CPA4: variants seen among roughly 807,000 people sequenced by gnomAD.
CPA4 encodes carboxypeptidase A3.
In CPA4, 49 loss-of-function variants were observed where a neutral mutation model predicts 54.7. That is an observed-to-expected ratio of 0.90 (90% CI 0.71 to 1.14). The LOEUF (loss-of-function observed/expected upper bound fraction) is 1.14, where lower values mean the gene tolerates loss of function less well. Among genes scored for constraint, CPA4 ranks in the 50% most tolerant of loss-of-function variants. The pLI, the probability that CPA4 is intolerant of heterozygous loss-of-function variation, is 0.00. For missense variants in CPA4, 487 were observed against 525.1 expected (o/e 0.93, Z 0.71); for synonymous variants, 215 against 206.8 (o/e 1.04, Z -0.34).
intron 6 of CPA4, 66 bp downstream of exon 6, chr7:130,305,986 GGCT>G: frequency 7.3e-7 from 1 of 1,363,296 alleles, no homozygotes; most frequent in Non-Finnish European, 1.0e-6. Flanking sequence ...CATGCCATGT[GGCT>G]GGGCCTGGGG....
chr7:130,320,382 T>C (rs556424679), intron 10 of CPA4, among the ~76,000 whole-genome samples: 55 of 152,338 alleles, frequency 3.6e-4, no homozygotes, highest in African/African-American at 1.3e-3. Context: ...TTCCTGAATC[T>C]CAAATGTGTT....
chr7:130,320,967 G>A (rs952889891), intron 10 of CPA4, among the ~76,000 whole-genome samples: 2 of 152,192 alleles, frequency 1.3e-5, no homozygotes, highest in Admixed American at 6.5e-5. Context: ...GGGAGGCTGA[G>A]GTGGGATGAT....
At position 130,322,464 on chromosome 7, in the gene CPA4, G is replaced by A. The variant is rs1794124965; in HGVS notation, c.1079-25G>A. 5 of 1,600,334 alleles carry A rather than the reference G, an allele frequency of 3.1e-6. No individual in the cohort carries two copies. The East Asian group carries it at 1.1e-4, about 36-fold the overall frequency. On this transcript the variant is annotated intron_variant, in intron 10 of 10. Transcript: ENST00000222482. ...AACCCAGGAGGGAACTGGGCTTCAA[G>A]AGTGTTTTGTCCTCCGACTTACAGA...
At chr7:130,321,873 G>A (rs576783128) in intron 10 of CPA4, among the ~76,000 whole-genome samples, 1 of 152,262 alleles carries the variant, frequency 6.6e-6, no homozygotes, top group South Asian at 2.1e-4. Flanking sequence ...ATGAGATTTG[G>A]GTGGGGACAC....
chr7:130,304,504 C>G lies in CPA4; in HGVS notation c.411C>G (p.Ala137=). Residue 137 remains alanine, a synonymous_variant, in exon 5 of 11, where the codon GCC becomes GCG. Transcript: ENST00000222482. ...EAIYHEMDNI[A]ADFPDLARRV... ...TTTACCACGAGATGGACAACATTGCCGCAGACTTTCCTGACCTGGCGAGGA... is the reference window on the plus strand; with the variant it reads ...TTTACCACGAGATGGACAACATTGCGGCAGACTTTCCTGACCTGGCGAGGA... 2.5e-6 allele frequency: 4 copies of G among 1,611,760 alleles called. No individual in the cohort carries two copies. The highest frequency in any genetic ancestry group is 1.1e-5 in the South Asian group (1 of 91,042).
At chr7:130,306,475 C>T (rs1275865147) in intron 6 of CPA4, among the ~76,000 whole-genome samples, 1 of 152,176 alleles carries the variant, frequency 6.6e-6, no homozygotes, top group African/African-American at 2.4e-5. Context: ...GTTCAAATTC[C>T]TAAAAACTAT....
rs554799002 is a variant in CPA4 at position 130,302,440 on chromosome 7, G to C, written c.384+1526G>C. On this transcript the variant is annotated intron_variant, in intron 4 of 10. Coordinates refer to ENST00000222482, the MANE Select transcript of CPA4 (RefSeq NM_016352.4). The stretch of plus-strand genomic sequence containing the variant: ...GGAGGCGGAGGTTGCAGTGAGCCAA[G>C]ATTGCACCACTGCACTCCAGCCTGG... Among the ~76,000 whole-genome samples, 34 of 149,430 alleles carry C rather than the reference G, an allele frequency of 2.3e-4. No individual in the cohort carries two copies. In the South Asian group the frequency reaches 6.8e-3, roughly 30 times the overall value.
chr7:130,314,394 A>C (rs1265235209), intron 10 of CPA4, among the ~76,000 whole-genome samples: 1 of 152,250 alleles, frequency 6.6e-6, no homozygotes, highest in Non-Finnish European at 1.5e-5. Flanking sequence ...CCCTGGAAGC[A>C]GGATAATCGC....
chr7:130,304,690 G>A (rs759874175), intron 5 of CPA4, 111 bp downstream of exon 5: 127 of 748,708 alleles, frequency 1.7e-4, no homozygotes, highest in Non-Finnish European at 2.5e-4. Flanking sequence ...GGAGGAAAGC[G>A]AGGTCAGGAC....
At chr7:130,294,993 C>T (rs776648356) in intron 1 of CPA4, among the ~76,000 whole-genome samples, 1 of 152,188 alleles carries the variant, frequency 6.6e-6, no homozygotes, top group Admixed American at 6.5e-5. Flanking sequence ...TCCCCAGTCT[C>T]TCTTGCTCTA....
At chr7:130,307,812 G>A (rs948105406) in intron 7 of CPA4, among the ~76,000 whole-genome samples, 10 of 152,108 alleles carry the variant, frequency 6.6e-5, no homozygotes, top group Admixed American at 3.3e-4. Flanking sequence ...GTCTTGTACA[G>A]TGTCTCACAT....
chr7:130,303,803 T>G (rs1166818191), intron 4 of CPA4, among the ~76,000 whole-genome samples: 2 of 151,636 alleles, frequency 1.3e-5, no homozygotes, highest in African/African-American at 2.4e-5. Flanking sequence ...TATTTTTTTT[T>G]TTTTTGTTTC....
chr7:130,298,041 T>C lies in CPA4; in HGVS notation c.69-705T>C, dbSNP rs529751223. On this transcript the variant is annotated intron_variant, in intron 1 of 10. Coordinates refer to ENST00000222482, the MANE Select transcript of CPA4 (RefSeq NM_016352.4). ...CCTTTAAGGGTCCCCTCTCACCCCG[T>C]AGGGAGGAGTGGATCCTACATCCAG... Among the ~76,000 whole-genome samples, 5 of 152,220 alleles carry C rather than the reference T, an allele frequency of 3.3e-5. No individual in the cohort carries two copies. In the East Asian group the frequency reaches 9.7e-4, roughly 29 times the overall value.
In CPA4 at chr7:130,314,875, A is replaced by G. The variant is rs547588675; in HGVS notation, c.1078+2753A>G. Among the ~76,000 whole-genome samples the G allele has an allele frequency of 1.8e-4, 28 of 152,202 alleles. No homozygotes were observed. In the South Asian group the frequency reaches 5.0e-3, roughly 27 times the overall value. ...GGAGAGAAAGAGATGTAAGCGGCTTATGTGGATTTCTCTTCCTTTTTCTTC... is the reference window on the plus strand; with the variant it reads ...GGAGAGAAAGAGATGTAAGCGGCTTGTGTGGATTTCTCTTCCTTTTTCTTC... On this transcript the variant is annotated intron_variant, in intron 10 of 10. Transcript: ENST00000222482.
At chr7:130,303,007 C>A (rs1353734097) in intron 4 of CPA4, among the ~76,000 whole-genome samples, 2 of 152,184 alleles carry the variant, frequency 1.3e-5, no homozygotes, top group African/African-American at 2.4e-5. Flanking sequence ...GGCTGTGAAT[C>A]ATTTTCCTTG....
chr7:130,302,102 T>C (rs1793747568), intron 4 of CPA4, among the ~76,000 whole-genome samples: 1 of 152,214 alleles, frequency 6.6e-6, no homozygotes, highest in South Asian at 2.1e-4. Context: ...ACAGCAATCT[T>C]GTCCTCACTG....
At chr7:130,296,234 G>A (rs1285145943) in intron 1 of CPA4, among the ~76,000 whole-genome samples, 1 of 152,192 alleles carries the variant, frequency 6.6e-6, no homozygotes, top group Non-Finnish European at 1.5e-5. Context: ...TGGGGCAGAA[G>A]GGAGAGGTGA....
chr7:130,309,093 G>C (rs982973458), intron 8 of CPA4, among the ~76,000 whole-genome samples: 1 of 152,090 alleles, frequency 6.6e-6, no homozygotes, highest in East Asian at 1.9e-4. Context: ...TCATCTGCCC[G>C]CCTCAGCCTC....
At chr7:130,304,629 C>T (rs369491787) in intron 5 of CPA4, 50 bp downstream of exon 5, 1 of 1,112,280 alleles carries the variant, frequency 9.0e-7, no homozygotes, top group Admixed American at 1.7e-5. Flanking sequence ...ATGCCCAGGA[C>T]CCAGCCTCAG....
Sources: allele counts gnomAD v4.1 joint callset (sites outside exome capture counted in the v4.1 genomes callset), GRCh38; gene constraint gnomAD v4.1.1; transcripts MANE v1.5; gene names NCBI Gene and HGNC (gene_info 2026-07-23, HGNC 2026-07-21).